The following CARS1 variants were observed in gnomAD, a reference collection of about 807,000 sequenced individuals.
The protein encoded by CARS1 is cysteine--tRNA ligase, cytoplasmic.
In CARS1, 48 loss-of-function variants were observed where a neutral mutation model predicts 106.2. The ratio of observed to expected loss-of-function variants is 0.45; its 90% confidence interval spans 0.36 to 0.57. The LOEUF is 0.57. Ranked by LOEUF, CARS1 falls within the 20% of genes least tolerant of loss-of-function variation. The pLI is 0.00. For synonymous variants in CARS1, 409 were observed against 403.4 expected (o/e 1.01, Z -0.17); for missense variants, 968 against 1,057.2 (o/e 0.92, Z 1.17).
In CARS1 at chr11:3,010,525, C is replaced by T. The variant is rs932421412; in HGVS notation, c.2068+1670G>A. 2.6e-5 allele frequency among the ~76,000 whole-genome samples: 4 copies of T among 152,216 alleles called. No homozygotes were observed. The East Asian group carries it at 7.7e-4, about 29-fold the overall frequency. ...GAGGGCATCAGGTGTTGGAAAGGGG[C>T]GATGGTGCTTATGTGGTCAGGGCAA... On this transcript the variant is annotated intron_variant, in intron 18 of 22. Coordinates refer to ENST00000380525, the MANE Select transcript of CARS1 (RefSeq NM_001014437.3).
At chr11:3,051,302 G>A (rs1242436556) in intron 1 of CARS1, among the ~76,000 whole-genome samples, 1 of 152,236 alleles carries the variant, frequency 6.6e-6, no homozygotes, top group Non-Finnish European at 1.5e-5. Flanking sequence ...AAGGCGCCTG[G>A]GGGGTGCCGG....
At position 3,048,276 on chromosome 11, in the gene CARS1, G is replaced by A. The variant is rs559620517; in HGVS notation, c.26-275C>T. The A allele has an allele frequency of 3.3e-5, 13 of 392,160 alleles. No individual in the cohort carries two copies. The highest frequency in any genetic ancestry group is 1.0e-4 in the South Asian group (2 of 19,474). The allele number at this position is 392,160 out of a possible 1,614,324, so 24.3% of individuals were successfully genotyped here. On this transcript the variant is annotated intron_variant, in intron 1 of 22. Coordinates refer to ENST00000380525, the MANE Select transcript of CARS1 (RefSeq NM_001014437.3). The surrounding 1 kb of genome is among the most constrained non-coding windows in gnomAD (Gnocchi z 5.1). ...TGAAGGCTGCATGACAACATCATGC[G>A]CCAAATACCACAGAATTGTGTACTT...
Position 3,018,694 on chromosome 11 carries a change from G to T in CARS1, c.1451C>A (p.Thr484Asn). 6.2e-7 allele frequency: 1 copy of T among 1,614,172 alleles called. No homozygotes were observed. The highest frequency in any genetic ancestry group is 1.3e-5 in the African/African-American group (1 of 75,056). The part of the protein sequence containing the change: ...VRYFLHTGHL[T>N]IAGCKMSKSL... The stretch of plus-strand genomic sequence containing the variant: ...CTTTGACATTTTGCAGCCTGCAATG[G>T]TCAGGTGGCCTGTGTGCAGGAAGTA... Residue 484 changes from threonine (T) to asparagine (N), a missense_variant, in exon 13 of 23, where the codon ACC (threonine) becomes AAC (asparagine). Transcript: ENST00000380525.
chr11:3,045,621 G>A lies in CARS1; in HGVS notation c.274+2132C>T, dbSNP rs754256079. Among the ~76,000 whole-genome samples, 6 of 151,886 alleles carry A rather than the reference G, an allele frequency of 4.0e-5. No individual in the cohort carries two copies. The highest frequency in any genetic ancestry group is 1.5e-4 in the African/African-American group (6 of 41,350). On this transcript the variant is annotated intron_variant, in intron 2 of 22. Coordinates refer to ENST00000380525, the MANE Select transcript of CARS1 (RefSeq NM_001014437.3). This position sits in a 1 kb window ranked among gnomAD's most constrained non-coding sequence, Gnocchi z 5.6. ...GGAGACAGGACACAGAAGGCACATG[G>A]GAGGAGCTGGTAACAGGCGGGCACA...
intron 19 of CARS1, among the ~76,000 whole-genome samples, chr11:3,005,804 G>T (rs1849809289): frequency 6.6e-6 from 1 of 152,022 alleles, no homozygotes; most frequent in African/African-American, 2.4e-5. Flanking sequence ...TGGAGACGGG[G>T]TTTCACCATG....
rs1336120849 is a variant in CARS1, at chr11:3,008,617, C to CA, written c.2069-1659dup. 5,096 of 109,126 alleles carry CA rather than the reference C, an allele frequency of 0.047. 144 individuals are homozygous for CA. The highest frequency in any genetic ancestry group is 0.1 in the African/African-American group (2,931 of 29,402). 6.8% of individuals were successfully genotyped at this position (109,126 alleles called of 1,614,324 possible). ...CTAGCGACAGGGCAAGACTCCATCT[C>CA]AAAAAAAAAAAAAAAAAATTGCATA... On this transcript the variant is annotated intron_variant, in intron 18 of 22. Coordinates refer to ENST00000380525, the MANE Select transcript of CARS1 (RefSeq NM_001014437.3). The surrounding 1 kb of genome is among the most constrained non-coding windows in gnomAD (Gnocchi z 5.1).
Position 3,018,716 on chromosome 11 carries a change from A to C in CARS1, c.1429T>G (p.Phe477Val), listed in dbSNP as rs1305342961. 3.1e-6 allele frequency: 5 copies of C among 1,614,154 alleles called. No individual in the cohort carries two copies. In the South Asian group the frequency reaches 4.4e-5, roughly 14 times the overall value. ...YFENDCWVRY[F>V]LHTGHLTIAG... ...ATGGTCAGGTGGCCTGTGTGCAGGA[A>C]GTACCTGACCCAGCAGTCGTTTTCA... Residue 477 changes from phenylalanine (F) to valine (V), a missense_variant, in exon 13 of 23, where the codon TTC becomes GTC. Physicochemically the swap from Phe to Val is conservative, Grantham distance 50. Coordinates refer to ENST00000380525, the MANE Select transcript of CARS1 (RefSeq NM_001014437.3).
rs755792425 is a variant in CARS1 at position 3,004,793 on chromosome 11, C to T, written c.2217+573G>A. ...GACACGCGCCACTCAGGTGAGGGCA[C>T]GGTGGGACTGGGATCTTAACATGTC... is the stretch of plus-strand genomic sequence containing the variant. On this transcript the variant is annotated intron_variant, in intron 20 of 22. Coordinates refer to ENST00000380525, the MANE Select transcript of CARS1 (RefSeq NM_001014437.3). The surrounding 1 kb of genome is among the most constrained non-coding windows in gnomAD (Gnocchi z 5.2). Among the ~76,000 whole-genome samples, 2 of 152,052 alleles carry T rather than the reference C, an allele frequency of 1.3e-5. No individual in the cohort carries two copies. The highest frequency in any genetic ancestry group is 2.4e-5 in the African/African-American group (1 of 41,390).
In CARS1 at chr11:3,050,427, T is replaced by C. The variant is rs1855544996; in HGVS notation, c.26-2426A>G. On this transcript the variant is annotated intron_variant, in intron 1 of 22. Transcript: ENST00000380525. The surrounding 1 kb of genome is among the most constrained non-coding windows in gnomAD (Gnocchi z 6.3). ...TACAAGTTATCCTTAGGAGCACCCA[T>C]AGCCAACCCACGGGAGGATCCGGGG... Among the ~76,000 whole-genome samples, 1 of 152,086 alleles carries C rather than the reference T, an allele frequency of 6.6e-6. No individual in the cohort carries two copies. The highest frequency in any genetic ancestry group is 2.1e-4 in the South Asian group (1 of 4,824).
Position 3,019,230 on chromosome 11 carries a change from G to C in CARS1, c.1304C>G (p.Ala435Gly), listed in dbSNP as rs1232819509. The change falls in exon 12 of 23, where the codon GCA becomes GGA. Residue 435 changes from alanine to glycine, a missense_variant. Transcript: ENST00000380525. This position sits in a 1 kb window ranked among gnomAD's most constrained non-coding sequence, Gnocchi z 6.2. Reference sequence around the variant, plus strand: ...CATCGAAGCCCCTAGGAGGGTGCCTGCCATGGCCGAGCACTCGATATGCCA... The same window carrying C: ...CATCGAAGCCCCTAGGAGGGTGCCTCCCATGGCCGAGCACTCGATATGCCA... ...PGWHIECSAM[A>G]GTLLGASMDI... 2 of 1,486,462 alleles carry C rather than the reference G, an allele frequency of 1.3e-6. No individual in the cohort carries two copies. The highest frequency in any genetic ancestry group is 1.8e-6 in the Non-Finnish European group (2 of 1,115,008). The allele number at this position is 1,486,462 out of a possible 1,614,324, so 92.1% of individuals were successfully genotyped here.
Position 3,046,170 on chromosome 11 carries a change from T to C in CARS1, c.274+1583A>G, listed in dbSNP as rs1289759319. On this transcript the variant is annotated intron_variant, in intron 2 of 22. Coordinates refer to ENST00000380525, the MANE Select transcript of CARS1 (RefSeq NM_001014437.3). The surrounding 1 kb of genome is among the most constrained non-coding windows in gnomAD (Gnocchi z 5.8). ...GCAACGTGGCTCTGCTTCCTCTCTG[T>C]AGGTTAAAAAGTGTTTGCAAGAGCA... Among the ~76,000 whole-genome samples the C allele has an allele frequency of 2.0e-5, 3 of 152,152 alleles. No individual in the cohort carries two copies. The highest frequency in any genetic ancestry group is 4.4e-5 in the Non-Finnish European group (3 of 68,018).
rs1426746265 is a variant in CARS1, at chr11:3,038,481, T to TA, written c.652-283dup. Among the ~76,000 whole-genome samples, 2 of 152,216 alleles carry TA rather than the reference T, an allele frequency of 1.3e-5. No individual in the cohort carries two copies. The highest frequency in any genetic ancestry group is 2.9e-5 in the Non-Finnish European group (2 of 68,032). On this transcript the variant is annotated intron_variant, in intron 6 of 22. Coordinates refer to ENST00000380525, the MANE Select transcript of CARS1 (RefSeq NM_001014437.3). The surrounding 1 kb of genome is among the most constrained non-coding windows in gnomAD (Gnocchi z 4.0). The stretch of plus-strand genomic sequence containing the variant: ...AAATTGGGTGTGAGAGCAGTATTTC[T>TA]AGGGCTGTTCTGGGGATGAGGAAAA...
intron 10 of CARS1, among the ~76,000 whole-genome samples, chr11:3,024,523 C>T (rs947093484): frequency 1.3e-5 from 2 of 152,218 alleles, no homozygotes; most frequent in Non-Finnish European, 2.9e-5. Context: ...TCAGGGCTCA[C>T]TGCAGCCTTG....
chr11:3,018,816 C>T, intron 12 of CARS1, 67 bp from the exon 13 acceptor site: 1 of 1,559,686 alleles, frequency 6.4e-7, no homozygotes, highest in South Asian at 1.2e-5. Context: ...GCCACCTGCA[C>T]TGTCTGCTGC....
rs769812527 is a variant in CARS1, at chr11:3,017,263, G to T, written c.1760C>A (p.Ala587Asp). ...GCGGGTGTCAACATTGTCACAGAGG[G>T]CTTTGTGAATTGCTGTCTTCTTGTC... ...FYDKKTAIHK[A>D]LCDNVDTRTV... Residue 587 changes from alanine to aspartate, a missense_variant, in exon 16 of 23, where the codon GCC (alanine) becomes GAC (aspartate). Ala to Asp is a moderately radical substitution (Grantham distance 126). Transcript: ENST00000380525. The surrounding 1 kb of genome is among the most constrained non-coding windows in gnomAD (Gnocchi z 4.9). 6.2e-6 allele frequency: 10 copies of T among 1,613,920 alleles called. No homozygotes were observed. In the African/African-American group the frequency reaches 1.2e-4, roughly 19 times the overall value.
chr11:3,040,965 T>A lies in CARS1; in HGVS notation c.386A>T (p.Asp129Val). 1 of 1,614,160 alleles carries A rather than the reference T, an allele frequency of 6.2e-7. No homozygotes were observed. ...GCAATACCACGTCACCTTTTTCCCATCTTGAGGTATGAACACTTCCTTTGT... is the reference window on the plus strand; with the variant it reads ...GCAATACCACGTCACCTTTTTCCCAACTTGAGGTATGAACACTTCCTTTGT... Reference protein sequence around the residue: ...TRNKEVFIPQDGKKVTWYCCG... With the variant: ...TRNKEVFIPQVGKKVTWYCCG... Residue 129 changes from aspartate to valine, a missense_variant, in exon 4 of 23, where the codon GAT becomes GTT. Transcript: ENST00000380525. The surrounding 1 kb of genome is among the most constrained non-coding windows in gnomAD (Gnocchi z 5.8).
rs401707 is a variant in CARS1, at chr11:3,029,735, T to A, written c.802-292A>T. On this transcript the variant is annotated intron_variant, in intron 7 of 22. Transcript: ENST00000380525. This position sits in a 1 kb window ranked among gnomAD's most constrained non-coding sequence, Gnocchi z 5.9. ...AGGGCCGAGGTGGGCCTGGTGAGCA[T>A]GTGCAGCCTACCTGGGCCGTGCAGG... 9.0e-6 allele frequency: 4 copies of A among 445,794 alleles called. No individual in the cohort carries two copies. The highest frequency in any genetic ancestry group is 5.9e-5 in the African/African-American group (3 of 50,926). 27.6% of individuals were successfully genotyped at this position (445,794 alleles called of 1,614,324 possible).
At chr11:3,049,771 T>C (rs546425884) in intron 1 of CARS1, among the ~76,000 whole-genome samples, 1 of 152,266 alleles carries the variant, frequency 6.6e-6, no homozygotes, top group South Asian at 2.1e-4. Context: ...CTCTCTGCCT[T>C]CTCCCATTCC....
Position 3,017,797 on chromosome 11 carries a change from C to A in CARS1, c.1727+60G>T. On this transcript the variant is annotated intron_variant, in intron 15 of 22. Coordinates refer to ENST00000380525, the MANE Select transcript of CARS1 (RefSeq NM_001014437.3). The surrounding 1 kb of genome is among the most constrained non-coding windows in gnomAD (Gnocchi z 4.9). ...TCCAGGACACATGGTGGCCAAGATGCGAGGCTAGGCATAGAACATGGGCAT... is the reference window on the plus strand; with the variant it reads ...TCCAGGACACATGGTGGCCAAGATGAGAGGCTAGGCATAGAACATGGGCAT... 8.8e-7 allele frequency: 1 copy of A among 1,135,762 alleles called. No homozygotes were observed. Among genetic ancestry groups the A allele is most frequent in the Non-Finnish European group, 1.3e-6 (1 of 748,508 alleles). The allele number at this position is 1,135,762 out of a possible 1,614,324, so 70.4% of individuals were successfully genotyped here.
Sources: allele counts gnomAD v4.1 joint callset (sites outside exome capture counted in the v4.1 genomes callset), GRCh38; gene constraint gnomAD v4.1.1; non-coding constraint Gnocchi (gnomAD v3.1); transcripts MANE v1.5; gene names NCBI Gene and HGNC (gene_info 2026-07-23, HGNC 2026-07-21).